STAG2: variants seen among roughly 807,000 people sequenced by gnomAD.
STAG2 encodes the protein cohesin subunit SA-2.
STAG2 carries 14 observed loss-of-function variants against 108.1 expected under a neutral mutation model. The observed-to-expected ratio is 0.13, with a 90% CI of 0.09 to 0.20. The LOEUF is 0.20. STAG2 is among the 10% of genes least tolerant of loss of function. The pLI is 1.00. For missense variants in STAG2, 440 were observed against 940.9 expected (o/e 0.47, Z 6.96); for synonymous variants, 307 against 302.7 (o/e 1.01, Z -0.15).
intron 13 of STAG2, among the ~76,000 whole-genome samples, chrX:124,052,198 A>G (rs2058064048): frequency 8.9e-6 from 1 of 111,775 alleles, no homozygotes; most frequent in Non-Finnish European, 1.9e-5. Context: ...AAAATTCACC[A>G]TTTTAACCAT....
intron 5 of STAG2, 92 bp from the exon 6 acceptor site, chrX:124,037,435 T>C: frequency 2.4e-6 from 1 of 424,253 alleles, no homozygotes. Context: ...TGTGATACTA[T>C]ATAATCTTGA....
At chrX:124,002,705 A>G (rs985037650) in intron 1 of STAG2, among the ~76,000 whole-genome samples, 3 of 109,371 alleles carry the variant, frequency 2.7e-5, no homozygotes, top group African/African-American at 1.0e-4. Flanking sequence ...GCTCACTACA[A>G]CCTCTGCCTC....
chrX:124,021,114 A>G (rs1414537659), intron 1 of STAG2, among the ~76,000 whole-genome samples: 1 of 112,681 alleles, frequency 8.9e-6, no homozygotes, highest in Non-Finnish European at 1.9e-5. Context: ...CTGTTCACAA[A>G]ACATAAAATT....
intron 1 of STAG2, among the ~76,000 whole-genome samples, chrX:124,005,116 GTAAA>G (rs1272245690): frequency 1.0e-3 from 116 of 111,810 alleles, no homozygotes; most frequent in African/African-American, 3.6e-3. Context: ...TAAATGCCGT[GTAAA>G]TAGTTATATT....
intron 1 of STAG2, among the ~76,000 whole-genome samples, chrX:124,009,658 G>A (rs2056455806): frequency 9.0e-6 from 1 of 110,750 alleles, no homozygotes; most frequent in African/African-American, 3.3e-5. Context: ...TTTTTACCCT[G>A]GCTTTAAGTT....
chrX:124,059,044 C>T (rs1385994747), intron 15 of STAG2, among the ~76,000 whole-genome samples: 4 of 111,122 alleles, frequency 3.6e-5, no homozygotes, highest in East Asian at 2.8e-4. Flanking sequence ...CGCTTAGGTG[C>T]GGTGGCTGAC....
At chrX:123,999,512 T>G (rs758675605) in intron 1 of STAG2, among the ~76,000 whole-genome samples, 10 of 111,422 alleles carry the variant, frequency 9.0e-5, no homozygotes, top group Non-Finnish European at 1.1e-4. Flanking sequence ...GGCATAATCA[T>G]AGCTCACTGC....
intron 1 of STAG2, among the ~76,000 whole-genome samples, chrX:123,976,740 T>C (rs1364529822): frequency 8.9e-6 from 1 of 111,852 alleles, no homozygotes; most frequent in Non-Finnish European, 1.9e-5. Flanking sequence ...AACAACCCTA[T>C]TGAGGTTGTT....
intron 1 of STAG2, among the ~76,000 whole-genome samples, chrX:124,016,262 C>T (rs1476542717): frequency 3.6e-5 from 4 of 111,167 alleles, no homozygotes; most frequent in Non-Finnish European, 5.7e-5. Flanking sequence ...ACCTCAGCCT[C>T]TCAAGTAGCT....
chrX:124,087,220 T>G (rs1193046827), intron 30 of STAG2, among the ~76,000 whole-genome samples: 1 of 112,223 alleles, frequency 8.9e-6, no homozygotes, highest in Non-Finnish European at 1.9e-5. Context: ...CCATTAATCA[T>G]GAAGAACTTC....
intron 6 of STAG2, among the ~76,000 whole-genome samples, chrX:124,041,593 A>G (rs960075499): frequency 2.7e-5 from 3 of 111,288 alleles, no homozygotes; most frequent in Non-Finnish European, 5.7e-5. Context: ...GAAGACTAGT[A>G]AGCAAATAAT....
At chrX:124,048,650 G>A (rs1002644618) in intron 9 of STAG2, among the ~76,000 whole-genome samples, 1 of 111,015 alleles carries the variant, frequency 9.0e-6, no homozygotes, top group Admixed American at 9.7e-5. Context: ...GGCTGGTCTC[G>A]AACTCCTGAC....
intron 1 of STAG2, among the ~76,000 whole-genome samples, chrX:124,012,204 ATTTTG>A (rs1286200104): frequency 6.2e-5 from 7 of 112,015 alleles, no homozygotes; most frequent in Admixed American, 4.8e-4. Flanking sequence ...GTTTGCTAGT[ATTTTG>A]TTAGGAATTT....
intron 1 of STAG2, among the ~76,000 whole-genome samples, chrX:123,975,467 C>T (rs1045616474): frequency 1.8e-5 from 2 of 111,754 alleles, no homozygotes; most frequent in African/African-American, 6.5e-5. Context: ...TGTGAGTATA[C>T]GTACTTTTTT....
At chrX:123,986,519 T>C (rs918146534) in intron 1 of STAG2, among the ~76,000 whole-genome samples, 4 of 111,922 alleles carry the variant, frequency 3.6e-5, no homozygotes, top group African/African-American at 9.7e-5. Context: ...AAAGAACTTA[T>C]GCTTTAGAGA....
At chrX:123,973,657 C>G (rs1163593538) in intron 1 of STAG2, among the ~76,000 whole-genome samples, 4 of 108,442 alleles carry the variant, frequency 3.7e-5, no homozygotes, top group Non-Finnish European at 5.7e-5. Context: ...CTAGCCTGAG[C>G]AATGTGGAGA....
chrX:124,037,657 C>A (rs1282464860), intron 6 of STAG2, 34 bp downstream of exon 6: 1 of 942,683 alleles, frequency 1.1e-6, no homozygotes, highest in Admixed American at 2.5e-5. Context: ...CAGCAGCTCT[C>A]AAATAGTCAC....
At chrX:124,088,913 C>CTTT (rs374005762) in intron 30 of STAG2, among the ~76,000 whole-genome samples, 10 of 78,111 alleles carry the variant, frequency 1.3e-4, no homozygotes, top group South Asian at 8.0e-4. Flanking sequence ...TGCGCCTGGC[C>CTTT]TTTTTTTTTT....
At chrX:123,987,793 CA>C (rs1218382273) in intron 1 of STAG2, among the ~76,000 whole-genome samples, 2 of 111,640 alleles carry the variant, frequency 1.8e-5, no homozygotes, top group Admixed American at 9.6e-5. Flanking sequence ...TTAGTTATTA[CA>C]ATGAAGTGTT....
Sources: allele counts gnomAD v4.1 joint callset (sites outside exome capture counted in the v4.1 genomes callset), GRCh38; gene constraint gnomAD v4.1.1; transcripts MANE v1.5; gene names NCBI Gene and HGNC (gene_info 2026-07-23, HGNC 2026-07-21).